Variants in ODAD1 observed in about 807,000 individuals in gnomAD.
ODAD1 encodes the protein outer dynein arm docking complex subunit 1, also known as outer dynein arm-docking complex subunit 1.
ODAD1 carries 49 observed loss-of-function variants against 67.2 expected under a neutral mutation model. The observed-to-expected ratio is 0.73, with a 90% CI of 0.58 to 0.92. The LOEUF is 0.92. Among genes scored for constraint, ODAD1 ranks in the 40% least tolerant of loss-of-function variants. ODAD1 has a pLI of 0.00. For synonymous variants in ODAD1, 345 were observed against 393.7 expected (o/e 0.88, Z 1.46); for missense variants, 897 against 953.7 (o/e 0.94, Z 0.78).
intron 7 of ODAD1, 76 bp from the exon 8 acceptor site, chr19:48,306,399 G>T: frequency 7.9e-7 from 1 of 1,272,820 alleles, no homozygotes; most frequent in Non-Finnish European, 1.1e-6. Flanking sequence ...TTGGCCCCGT[G>T]CTTCTCCAAT....
intron 5 of ODAD1, among the ~76,000 whole-genome samples, chr19:48,315,747 T>G (rs1329363651): frequency 6.6e-6 from 1 of 152,140 alleles, no homozygotes; most frequent in African/African-American, 2.4e-5. Context: ...TTAATGGAAT[T>G]GTATAGTAAG....
intron 7 of ODAD1, among the ~76,000 whole-genome samples, chr19:48,309,088 C>T (rs1382943058): frequency 6.6e-6 from 1 of 152,170 alleles, no homozygotes; most frequent in South Asian, 2.1e-4. Flanking sequence ...ACCGCACCCC[C>T]CTCCCCACCC....
chr19:48,302,463 T>C (rs1361224017), intron 12 of ODAD1, among the ~76,000 whole-genome samples: 1 of 151,106 alleles, frequency 6.6e-6, no homozygotes, highest in Non-Finnish European at 1.5e-5. Context: ...GATGCATTGA[T>C]AGATGGATGG....
intron 12 of ODAD1, among the ~76,000 whole-genome samples, chr19:48,300,409 A>G (rs536062728): frequency 3.3e-5 from 5 of 151,736 alleles, no homozygotes; most frequent in Admixed American, 2.0e-4. Context: ...ACAGACTTCA[A>G]TGTGGGAGTT....
At position 48,311,581 on chromosome 19, in the gene ODAD1, T is replaced by C. The variant is rs1328272879; in HGVS notation, c.569A>G (p.Tyr190Cys). The C allele has an allele frequency of 1.3e-6, 2 of 1,550,272 alleles. No individual in the cohort carries two copies. Among genetic ancestry groups the C allele is most frequent in the Middle Eastern group, 1.7e-4 (1 of 6,000 alleles). Residue 190 changes from tyrosine (Y) to cysteine (C), a missense_variant, in exon 7 of 16, where the codon TAT becomes TGT. Tyr to Cys is a radical substitution (Grantham distance 194, BLOSUM62 -2). Coordinates refer to ENST00000674294, the MANE Select transcript of ODAD1 (RefSeq NM_001364171.2). ...LDLLRIDRNR[Y>C]LNVDRKLKKE... is the part of the protein sequence containing the mutation. ...CTTCAGCTTGCGGTCCACGTTCAGA[T>C]AGCGGTTCCTGTCGATCCGCAGCAG...
At chr19:48,311,197 G>A (rs1161475398) in intron 7 of ODAD1, among the ~76,000 whole-genome samples, 1 of 152,210 alleles carries the variant, frequency 6.6e-6, no homozygotes, top group Non-Finnish European at 1.5e-5. Context: ...GGACGACAGA[G>A]TGAGACTCAT....
intron 7 of ODAD1, among the ~76,000 whole-genome samples, chr19:48,307,258 T>C (rs998305089): frequency 2.0e-5 from 3 of 150,998 alleles, no homozygotes; most frequent in Non-Finnish European, 4.4e-5. Flanking sequence ...GCTGGTGATA[T>C]TGGAATGGAA....
chr19:48,302,717 C>T lies in ODAD1; in HGVS notation c.1217G>A (p.Gly406Glu), dbSNP rs1354603630. 6.2e-7 allele frequency: 1 copy of T among 1,611,862 alleles called. No individual in the cohort carries two copies. The highest frequency in any genetic ancestry group is 1.1e-5 in the South Asian group (1 of 91,072). ...ACCAGCCTTGAGCTTCTCCAGCTGT[C>T]CCCGCACATCCTGGAAGCGGGCCTC... ...RLEARFQDVR[G>E]QLEKLKADIQ... The change falls in exon 12 of 16, where the codon GGA becomes GAA. Residue 406 changes from glycine (G) to glutamate (E), a missense_variant. Gly to Glu is a moderately conservative substitution (Grantham distance 98). Coordinates refer to ENST00000674294, the MANE Select transcript of ODAD1 (RefSeq NM_001364171.2).
At chr19:48,309,920 C>G (rs1338911723) in intron 7 of ODAD1, among the ~76,000 whole-genome samples, 1 of 152,098 alleles carries the variant, frequency 6.6e-6, no homozygotes, top group Non-Finnish European at 1.5e-5. Flanking sequence ...GTGCAGATGC[C>G]AAGTCTAATC....
chr19:48,313,944 G>A (rs1051922055), intron 5 of ODAD1, among the ~76,000 whole-genome samples: 3 of 151,618 alleles, frequency 2.0e-5, no homozygotes, highest in African/African-American at 7.3e-5. Context: ...AGAATGCCAC[G>A]TAAGGATAAA....
At chr19:48,314,712 G>A (rs1439058434) in intron 5 of ODAD1, among the ~76,000 whole-genome samples, 1 of 152,078 alleles carries the variant, frequency 6.6e-6, no homozygotes, top group Non-Finnish European at 1.5e-5. Context: ...AGGCCGAGGC[G>A]AGTGGATCAC....
chr19:48,320,263 A>C, intron 3 of ODAD1, 36 bp downstream of exon 3: 1 of 1,199,618 alleles, frequency 8.3e-7, no homozygotes, highest in Non-Finnish European at 1.1e-6. Flanking sequence ...GGGCTGGAAA[A>C]GAATGGGTGA....
chr19:48,302,981 A>G (rs534910262), intron 11 of ODAD1, 32 bp downstream of exon 11: 1 of 1,607,640 alleles, frequency 6.2e-7, no homozygotes, highest in South Asian at 1.1e-5. Flanking sequence ...CCGGGAGGAG[A>G]GGAGGAGATG....
intron 12 of ODAD1, 127 bp downstream of exon 12, chr19:48,302,567 C>A (rs1022404299): frequency 7.1e-6 from 5 of 700,820 alleles, no homozygotes; most frequent in Non-Finnish European, 9.5e-6. Context: ...GAAAGATGGA[C>A]AGATATGGGG....
intron 12 of ODAD1, among the ~76,000 whole-genome samples, chr19:48,299,353 G>C (rs1178362153): frequency 6.6e-6 from 1 of 152,124 alleles, no homozygotes; most frequent in Non-Finnish European, 1.5e-5. Context: ...GGACGTTGCA[G>C]TAAGCCCAGA....
At chr19:48,316,377 CA>C (rs777896204) in intron 5 of ODAD1, among the ~76,000 whole-genome samples, 83 of 128,772 alleles carry the variant, frequency 6.4e-4, no homozygotes, top group Admixed American at 7.0e-4. Flanking sequence ...GAGACTTCGT[CA>C]AAAAAAAAAA....
chr19:48,304,099 G>A lies in ODAD1; in HGVS notation c.707C>T (p.Ala236Val), dbSNP rs374990723. The A allele has an allele frequency of 8.3e-5, 134 of 1,613,330 alleles. No homozygotes were observed. In the East Asian group the frequency reaches 9.4e-4, roughly 11 times the overall value. The change falls in exon 9 of 16, where the codon GCG becomes GTG. Residue 236 changes from alanine to valine, a missense_variant. Physicochemically the swap from Ala to Val is moderately conservative, Grantham distance 64. Coordinates refer to ENST00000674294, the MANE Select transcript of ODAD1 (RefSeq NM_001364171.2). ...KAKMGLLRER[A>V]EKEEAQSEME... Reference sequence around the variant, plus strand: ...CTCGCTCTGGGCCTCCTCTTTCTCCGCGCGCTCCCGCAGCAAGCCCATCTT... The same window carrying A: ...CTCGCTCTGGGCCTCCTCTTTCTCCACGCGCTCCCGCAGCAAGCCCATCTT...
At chr19:48,316,106 C>T (rs986812636) in intron 5 of ODAD1, among the ~76,000 whole-genome samples, 3 of 152,112 alleles carry the variant, frequency 2.0e-5, no homozygotes, top group African/African-American at 4.8e-5. Context: ...GGGCCAGGCA[C>T]GGTGGCCCAC....
At chr19:48,307,867 C>T (rs570686722) in intron 7 of ODAD1, among the ~76,000 whole-genome samples, 1 of 151,736 alleles carries the variant, frequency 6.6e-6, no homozygotes, top group East Asian at 1.9e-4. Flanking sequence ...GCCTCAACAC[C>T]TACTCTTCCC....
Sources: allele counts gnomAD v4.1 joint callset (sites outside exome capture counted in the v4.1 genomes callset), GRCh38; gene constraint gnomAD v4.1.1; transcripts MANE v1.5; gene names NCBI Gene and HGNC (gene_info 2026-07-23, HGNC 2026-07-21).